The following CELF4 variants were observed in gnomAD, a reference collection of about 807,000 sequenced individuals.
The protein encoded by CELF4 is CUGBP Elav-like family member 4, also known as CUG-BP- and ETR-3-like factor 4.
Under a neutral mutation model 59.9 loss-of-function variants are expected in CELF4, and 18 were observed. That is an observed-to-expected ratio of 0.30 (90% CI 0.21 to 0.45). The LOEUF (loss-of-function observed/expected upper bound fraction) is 0.45, where lower values mean the gene tolerates loss of function less well. CELF4 is among the 20% of genes least tolerant of loss of function. The pLI, the probability that CELF4 is intolerant of heterozygous loss-of-function variation, is 1.00. For missense variants in CELF4, 456 were observed against 689.0 expected, an observed-to-expected ratio of 0.66 and a Z score of 3.79; for synonymous variants, 261 against 267.1, an observed-to-expected ratio of 0.98 and a Z score of 0.22.
chr18:37,308,312 G>A (rs1055323324), intron 3 of CELF4, among the ~76,000 whole-genome samples: 3 of 152,090 alleles, frequency 2.0e-5, no homozygotes, highest in Admixed American at 1.3e-4. Flanking sequence ...CCTCTTCTCT[G>A]GCCAACTGGT....
chr18:37,466,935 GCGGGTGTGGAGCCACATGCTCA>G, intron 2 of CELF4, among the ~76,000 whole-genome samples: 1 of 152,306 alleles, frequency 6.6e-6, no homozygotes, highest in South Asian at 2.1e-4. Context: ...GAGCCACTCA[GCGGGTGTGGAGCCACATGCTCA>G]CGGGTGGGGG....
intron 2 of CELF4, among the ~76,000 whole-genome samples, chr18:37,446,616 C>T (rs2154601421): frequency 6.6e-6 from 1 of 152,310 alleles, no homozygotes; most frequent in South Asian, 2.1e-4. Flanking sequence ...TTCTGGCACA[C>T]AGCAAGCATG....
At chr18:37,301,558 C>G (rs1411673372) in intron 3 of CELF4, among the ~76,000 whole-genome samples, 1 of 152,188 alleles carries the variant, frequency 6.6e-6, no homozygotes, top group African/African-American at 2.4e-5. Context: ...GGGGCTGGAC[C>G]ATGTGTTTCC....
At chr18:37,450,014 G>A (rs2099758702) in intron 2 of CELF4, among the ~76,000 whole-genome samples, 1 of 152,172 alleles carries the variant, frequency 6.6e-6, no homozygotes, top group Admixed American at 6.5e-5. Context: ...GGAGTTGAGG[G>A]ACACAGGGTT....
At chr18:37,530,692 G>A (rs533898879) in intron 1 of CELF4, among the ~76,000 whole-genome samples, 2 of 152,098 alleles carry the variant, frequency 1.3e-5, no homozygotes, top group East Asian at 1.9e-4. Flanking sequence ...CCTTTCCTTT[G>A]TTCCCCTTCC....
chr18:37,334,388 C>T (rs1021994508), intron 2 of CELF4, among the ~76,000 whole-genome samples: 11 of 152,200 alleles, frequency 7.2e-5, no homozygotes, highest in Non-Finnish European at 2.9e-5. Context: ...TGACAGCTCA[C>T]AACCATCTAG....
intron 2 of CELF4, among the ~76,000 whole-genome samples, chr18:37,336,902 G>A (rs1434984706): frequency 1.3e-5 from 2 of 151,588 alleles, no homozygotes; most frequent in African/African-American, 2.4e-5. Context: ...CCCAACCCCC[G>A]GCGGGGCTGC....
chr18:37,485,186 G>T (rs1413720894), intron 2 of CELF4, among the ~76,000 whole-genome samples: 4 of 151,988 alleles, frequency 2.6e-5, no homozygotes, highest in Non-Finnish European at 4.4e-5. Context: ...CACTAGAGCG[G>T]CCCGCGTCGA....
At chr18:37,454,310 A>G (rs1428949209) in intron 2 of CELF4, among the ~76,000 whole-genome samples, 3 of 152,136 alleles carry the variant, frequency 2.0e-5, no homozygotes, top group Non-Finnish European at 4.4e-5. Flanking sequence ...CCATGCCAGG[A>G]GGCAGGTGGG....
chr18:37,253,828 C>A lies in CELF4; in HGVS notation c.1444G>T (p.Ala482Ser). The part of the protein sequence containing the change: ...LKVQLKRPKD[A>S]NRPY ...GCCGGCGCTCAGTACGGGCGATTGG[C>A]GTCTTTGGGCCGCTTCAGCTGCACC... The change falls in exon 12 of 13, where the codon GCC becomes TCC. Residue 482 changes from alanine to serine, a missense_variant. Ala to Ser is a moderately conservative substitution (Grantham distance 99). Around this residue, in one of 7 missense-constraint regions of CELF4, gnomAD observed 256 missense variants for 340.8 expected, o/e 0.75. Transcript: ENST00000420428. This position sits in a 1 kb window ranked among gnomAD's most constrained non-coding sequence, Gnocchi z 4.5. 1 of 1,602,992 alleles carries A rather than the reference C, an allele frequency of 6.2e-7. No individual in the cohort carries two copies. Among genetic ancestry groups the A allele is most frequent in the South Asian group, 1.1e-5 (1 of 89,946 alleles).
intron 2 of CELF4, among the ~76,000 whole-genome samples, chr18:37,354,695 TG>T (rs1389822079): frequency 2.0e-5 from 3 of 152,128 alleles, no homozygotes; most frequent in African/African-American, 4.8e-5. Flanking sequence ...GGGTGCACTC[TG>T]GGGTGAGCAG....
In CELF4 at chr18:37,334,761, C is replaced by T. The variant is rs183440663; in HGVS notation, c.370-12880G>A. Among the ~76,000 whole-genome samples, 48 of 151,866 alleles carry T rather than the reference C, an allele frequency of 3.2e-4. No individual in the cohort carries two copies. The East Asian group carries it at 8.6e-3, about 27-fold the overall frequency. ...GCTCCTTTCTCTCTCCTGTGGCTCC[C>T]GGGCCTCAATCTTAGGCCTGGAGAG... On this transcript the variant is annotated intron_variant, in intron 2 of 12. Coordinates refer to ENST00000420428, the MANE Select transcript of CELF4 (RefSeq NM_020180.4).
At chr18:37,394,327 C>T (rs2099211792) in intron 2 of CELF4, among the ~76,000 whole-genome samples, 1 of 152,206 alleles carries the variant, frequency 6.6e-6, no homozygotes, top group Non-Finnish European at 1.5e-5. Flanking sequence ...GCGGCTTCTC[C>T]CCTCCTGCTC....
At chr18:37,508,091 C>T (rs544066298) in intron 1 of CELF4, among the ~76,000 whole-genome samples, 3 of 152,230 alleles carry the variant, frequency 2.0e-5, no homozygotes, top group African/African-American at 7.2e-5. Context: ...TCCGCTTTTC[C>T]CTGCCAGGCA....
At chr18:37,475,014 C>A (rs1022395691) in intron 2 of CELF4, among the ~76,000 whole-genome samples, 3 of 152,366 alleles carry the variant, frequency 2.0e-5, no homozygotes, top group Non-Finnish European at 4.4e-5. Flanking sequence ...TACCCCAGTT[C>A]TCTGGCCCCT....
chr18:37,276,302 T>A (rs1374834262), intron 3 of CELF4: 1 of 152,212 alleles, frequency 6.6e-6, no homozygotes, highest in Non-Finnish European at 1.5e-5. Context: ...CCAGCCCACA[T>A]ACTGCTACTT....
intron 3 of CELF4, among the ~76,000 whole-genome samples, chr18:37,282,999 G>T (rs899160957): frequency 6.6e-6 from 1 of 152,170 alleles, no homozygotes; most frequent in Non-Finnish European, 1.5e-5. Flanking sequence ...GGATCAGGAC[G>T]TGTTTGGGGG....
chr18:37,462,910 G>T (rs749862159), intron 2 of CELF4, among the ~76,000 whole-genome samples: 4 of 152,008 alleles, frequency 2.6e-5, no homozygotes, highest in Non-Finnish European at 5.9e-5. Context: ...GAAGCCAAAA[G>T]ATTGGGCACC....
Position 37,253,126 on chromosome 18 carries a change from C to G in CELF4, c.*44+641G>C, listed in dbSNP as rs1247897541. Reference sequence around the variant, plus strand: ...GGACCCAGCCCAGCAGAAAAGGTAACAACGACCACTCATCATGACCCGTGT... The same window carrying G: ...GGACCCAGCCCAGCAGAAAAGGTAAGAACGACCACTCATCATGACCCGTGT... On this transcript the variant is annotated intron_variant, in intron 12 of 12. Transcript: ENST00000420428. This position sits in a 1 kb window ranked among gnomAD's most constrained non-coding sequence, Gnocchi z 4.5. 6.6e-6 allele frequency among the ~76,000 whole-genome samples: 1 copy of G among 152,160 alleles called. No homozygotes were observed. The highest frequency in any genetic ancestry group is 1.5e-5 in the Non-Finnish European group (1 of 68,034).
Sources: allele counts gnomAD v4.1 joint callset (sites outside exome capture counted in the v4.1 genomes callset), GRCh38; gene constraint gnomAD v4.1.1; regional missense constraint gnomAD v4.1.1; non-coding constraint Gnocchi (gnomAD v3.1); transcripts MANE v1.5; gene names NCBI Gene and HGNC (gene_info 2026-07-23, HGNC 2026-07-21).